Variants in CHRM5 observed in about 807,000 individuals in gnomAD.
The protein encoded by CHRM5 is muscarinic acetylcholine receptor M5.
CHRM5 carries 18 observed loss-of-function variants against 39.0 expected under a neutral mutation model. The observed-to-expected ratio is 0.46, with a 90% CI of 0.32 to 0.68. CHRM5 has a LOEUF of 0.68. CHRM5 is among the 30% of genes least tolerant of loss of function. CHRM5 has a pLI of 0.04. For synonymous variants in CHRM5, 241 were observed against 246.3 expected (o/e 0.98, Z 0.20); for missense variants, 515 against 651.1 (o/e 0.79, Z 2.28).
chr15:33,977,765 G>A (rs1256641379), intron 1 of CHRM5, among the ~76,000 whole-genome samples: 3 of 152,076 alleles, frequency 2.0e-5, no homozygotes, highest in Non-Finnish European at 4.4e-5. Flanking sequence ...AAAACAGCCA[G>A]GTTTGAATTA....
chr15:33,973,069 A>AT, intron 1 of CHRM5, among the ~76,000 whole-genome samples: 1 of 152,302 alleles, frequency 6.6e-6, no homozygotes, highest in East Asian at 1.9e-4. Context: ...GACATTCTCC[A>AT]TTTTTTGTAT....
intron 1 of CHRM5, among the ~76,000 whole-genome samples, chr15:34,017,190 G>A (rs576247832): frequency 1.3e-5 from 2 of 151,618 alleles, no homozygotes; most frequent in East Asian, 1.9e-4. Context: ...CCAACCACCC[G>A]TCTCAAATCC....
At chr15:33,986,101 T>TTC (rs376248040) in intron 1 of CHRM5, among the ~76,000 whole-genome samples, 3 of 2,042 alleles carry the variant, frequency 1.5e-3, no homozygotes, top group African/African-American at 1.7e-3. Flanking sequence ...AATTTTTTTT[T>TTC]TTGTTTTTTG....
chr15:34,038,955 G>A (rs1899321012), intron 1 of CHRM5: 1 of 1,106,956 alleles, frequency 9.0e-7, no homozygotes, highest in Admixed American at 5.0e-5. Flanking sequence ...CGCCGCTGCG[G>A]CTCCGGGCCG....
In CHRM5 at chr15:33,980,747, A is replaced by C. The variant is rs1896101531; in HGVS notation, c.-408+11597A>C. 2.0e-5 allele frequency among the ~76,000 whole-genome samples: 3 copies of C among 152,204 alleles called. No individual in the cohort carries two copies. In the South Asian group the frequency reaches 6.2e-4, roughly 32 times the overall value. ...AGAACCCCAAATTACTTCTTGCTCT[A>C]AGCAGAGTGTAGGCAAGGACCTTAA... On this transcript the variant is annotated intron_variant, in intron 1 of 2. Transcript: ENST00000383263.
intron 1 of CHRM5, among the ~76,000 whole-genome samples, chr15:34,042,227 T>C (rs920210979): frequency 6.6e-6 from 1 of 152,200 alleles, no homozygotes; most frequent in African/African-American, 2.4e-5. Flanking sequence ...TTTTGCTTGA[T>C]AGTCCTGATT....
intron 1 of CHRM5, among the ~76,000 whole-genome samples, chr15:33,969,723 A>G (rs1895546491): frequency 6.6e-6 from 1 of 152,038 alleles, no homozygotes; most frequent in East Asian, 1.9e-4. Flanking sequence ...AAGATACTAG[A>G]CATTTTTATA....
intron 2 of CHRM5, among the ~76,000 whole-genome samples, chr15:34,062,031 T>C (rs190172144): frequency 1.3e-3 from 191 of 152,340 alleles, no homozygotes; most frequent in Non-Finnish European, 2.2e-3. Flanking sequence ...TTCCTCTCTT[T>C]ACTGCTTCTC....
At chr15:34,035,374 T>C (rs1029728280) in intron 1 of CHRM5, among the ~76,000 whole-genome samples, 3 of 152,058 alleles carry the variant, frequency 2.0e-5, no homozygotes, top group Non-Finnish European at 4.4e-5. Flanking sequence ...CATACTAACA[T>C]ATCAGTTAAA....
intron 1 of CHRM5, among the ~76,000 whole-genome samples, chr15:34,017,245 C>A (rs1203425458): frequency 1.3e-5 from 2 of 152,134 alleles, no homozygotes; most frequent in Non-Finnish European, 2.9e-5. Context: ...AAGCCTAGAA[C>A]TGAGCTCTCA....
intron 2 of CHRM5, among the ~76,000 whole-genome samples, chr15:34,058,838 A>T (rs1900243353): frequency 6.6e-6 from 1 of 152,188 alleles, no homozygotes; most frequent in Non-Finnish European, 1.5e-5. Flanking sequence ...GACACAATAT[A>T]ATATACAAAG....
chr15:34,001,210 C>T (rs943102969), intron 1 of CHRM5, among the ~76,000 whole-genome samples: 16 of 151,864 alleles, frequency 1.1e-4, no homozygotes, highest in African/African-American at 3.9e-4. Flanking sequence ...TTAGTAGAAA[C>T]GGGGTTTCAC....
At chr15:33,993,524 T>G (rs909776309) in intron 1 of CHRM5, among the ~76,000 whole-genome samples, 3 of 152,014 alleles carry the variant, frequency 2.0e-5, no homozygotes, top group African/African-American at 7.2e-5. Context: ...CCAAAAATGG[T>G]TCCCACCTCT....
intron 1 of CHRM5, among the ~76,000 whole-genome samples, chr15:33,992,803 G>A (rs887905267): frequency 6.6e-6 from 1 of 152,150 alleles, no homozygotes; most frequent in African/African-American, 2.4e-5. Flanking sequence ...CTAATTGTTG[G>A]CACAAGGAAC....
At position 34,036,973 on chromosome 15, in the gene CHRM5, G is replaced by A. The variant is rs1049379928; in HGVS notation, c.-407-9567G>A. 3.5e-4 allele frequency among the ~76,000 whole-genome samples: 53 copies of A among 152,188 alleles called. 2 individuals are homozygous for A. The South Asian group carries it at 5.4e-3, about 15-fold the overall frequency. ...AAAAATACAAAATTAGCCGGGCAAG[G>A]TGGCTCATGCCTGTAATCCCAGCTA... On this transcript the variant is annotated intron_variant, in intron 1 of 2. Transcript: ENST00000383263.
intron 1 of CHRM5, among the ~76,000 whole-genome samples, chr15:33,971,241 C>T (rs1400901016): frequency 6.6e-6 from 1 of 151,996 alleles, no homozygotes; most frequent in African/African-American, 2.4e-5. Flanking sequence ...TAGTCAATGA[C>T]CTGCCTACTT....
chr15:33,997,632 C>T (rs559702829), intron 1 of CHRM5, among the ~76,000 whole-genome samples: 5 of 152,250 alleles, frequency 3.3e-5, no homozygotes, highest in East Asian at 3.9e-4. Context: ...AATCCTTCTG[C>T]CCTGAAAAAA....
rs867128838 is a variant in CHRM5, at chr15:34,020,297, C to A, written c.-407-26243C>A. Among the ~76,000 whole-genome samples the A allele has an allele frequency of 1.2e-4, 17 of 145,462 alleles. No individual in the cohort carries two copies. The South Asian group carries it at 3.8e-3, about 33-fold the overall frequency. ...CTGCACTCTAGCCTGGGTGACCGAG[C>A]GAGACTCCATCTCAAAAAAAAAAGA... On this transcript the variant is annotated intron_variant, in intron 1 of 2. Coordinates refer to ENST00000383263, the MANE Select transcript of CHRM5 (RefSeq NM_012125.4).
At chr15:34,038,490 T>C (rs976866832) in intron 1 of CHRM5, among the ~76,000 whole-genome samples, 2 of 152,014 alleles carry the variant, frequency 1.3e-5, no homozygotes, top group Non-Finnish European at 1.5e-5. Flanking sequence ...ACACACGGCC[T>C]TGGCCTCTGG....
Sources: allele counts gnomAD v4.1 joint callset (sites outside exome capture counted in the v4.1 genomes callset), GRCh38; gene constraint gnomAD v4.1.1; transcripts MANE v1.5; gene names NCBI Gene and HGNC (gene_info 2026-07-23, HGNC 2026-07-21).